Variants in XKR6 observed in about 807,000 individuals in gnomAD.
XKR6 encodes the protein XK related 6.
XKR6 carries 22 observed loss-of-function variants against 56.7 expected under a neutral mutation model. The ratio of observed to expected loss-of-function variants is 0.39; its 90% confidence interval spans 0.28 to 0.55. XKR6 has a LOEUF of 0.55. Among genes scored for constraint, XKR6 ranks in the 20% least tolerant of loss-of-function variants. The probability of loss-of-function intolerance (pLI) is 0.66; values close to 1 mark genes in which losing one functional copy is unlikely to be tolerated. For synonymous variants in XKR6, 524 were observed against 387.8 expected (o/e 1.35, Z -4.13); for missense variants, 852 against 889.0 (o/e 0.96, Z 0.53).
intron 1 of XKR6, among the ~76,000 whole-genome samples, chr8:11,096,620 G>C (rs1006794673): frequency 6.6e-6 from 1 of 152,236 alleles, no homozygotes; most frequent in Non-Finnish European, 1.5e-5. Flanking sequence ...ACCGATGTTA[G>C]TCAAGCAGCC....
At chr8:11,141,344 T>C (rs190602779) in intron 1 of XKR6, among the ~76,000 whole-genome samples, 2,046 of 152,218 alleles carry the variant, frequency 0.013, 11 homozygotes, top group Admixed American at 0.02. Flanking sequence ...GGCAGGATCC[T>C]TGGGAACTAA....
At chr8:11,108,311 T>A (rs1163691690) in intron 1 of XKR6, 2 of 456,286 alleles carry the variant, frequency 4.4e-6, no homozygotes, top group East Asian at 1.4e-4. Flanking sequence ...CAGATTTAAG[T>A]GTTATGAAAC....
intron 1 of XKR6, among the ~76,000 whole-genome samples, chr8:10,967,467 C>T (rs967611871): frequency 6.6e-6 from 1 of 152,162 alleles, no homozygotes; most frequent in African/African-American, 2.4e-5. Context: ...GCTGGGGCTG[C>T]CCGAAGAGGC....
chr8:11,103,388 G>A (rs573842139), intron 1 of XKR6, among the ~76,000 whole-genome samples: 1 of 152,314 alleles, frequency 6.6e-6, no homozygotes, highest in African/African-American at 2.4e-5. Flanking sequence ...GCTGAATCAG[G>A]CCCCACAAGA....
chr8:10,930,337 C>G (rs1801018204), intron 1 of XKR6, among the ~76,000 whole-genome samples: 1 of 152,270 alleles, frequency 6.6e-6, no homozygotes, highest in South Asian at 2.1e-4. Context: ...GCTTAGAGAA[C>G]CCTTCTTTAA....
chr8:10,958,209 T>C (rs1037180935), intron 1 of XKR6, among the ~76,000 whole-genome samples: 3 of 152,196 alleles, frequency 2.0e-5, no homozygotes, highest in Admixed American at 2.0e-4. Context: ...GAGATGCAAG[T>C]TCCCGTTTGG....
chr8:10,978,226 C>T (rs996373346), intron 1 of XKR6, among the ~76,000 whole-genome samples: 2 of 152,128 alleles, frequency 1.3e-5, no homozygotes, highest in African/African-American at 2.4e-5. Flanking sequence ...AGATTTATTG[C>T]CTGATATGCA....
intron 1 of XKR6, among the ~76,000 whole-genome samples, chr8:10,972,165 C>A (rs958021390): frequency 2.0e-5 from 3 of 152,096 alleles, no homozygotes; most frequent in African/African-American, 7.2e-5. Context: ...CCAGCTGGGG[C>A]CTCGGGGTGA....
At chr8:11,047,949 A>G (rs1799450300) in intron 1 of XKR6, among the ~76,000 whole-genome samples, 1 of 152,118 alleles carries the variant, frequency 6.6e-6, no homozygotes, top group Non-Finnish European at 1.5e-5. Context: ...GGGGACTCTA[A>G]ACTTAGAGGA....
At chr8:10,955,775 G>C (rs1801868561) in intron 1 of XKR6, among the ~76,000 whole-genome samples, 1 of 152,166 alleles carries the variant, frequency 6.6e-6, no homozygotes, top group African/African-American at 2.4e-5. Flanking sequence ...GGTGTGTAGA[G>C]AAACTTGTCT....
At chr8:11,035,108 A>G in intron 1 of XKR6, 1 of 469,342 alleles carries the variant, frequency 2.1e-6, no homozygotes, top group Non-Finnish European at 4.4e-6. Context: ...GGATGATGAT[A>G]CTTACCTTAA....
intron 1 of XKR6, among the ~76,000 whole-genome samples, chr8:11,152,177 C>A (rs1348199512): frequency 1.3e-5 from 2 of 152,104 alleles, no homozygotes. Flanking sequence ...AATCTTAGGG[C>A]CTGAATGCTA....
chr8:10,942,864 A>T (rs1801427157), intron 1 of XKR6, among the ~76,000 whole-genome samples: 1 of 152,248 alleles, frequency 6.6e-6, no homozygotes, highest in Admixed American at 6.5e-5. Context: ...ACATTGCAAG[A>T]TCGCATTCTT....
intron 1 of XKR6, among the ~76,000 whole-genome samples, chr8:11,167,507 G>A (rs746132312): frequency 6.6e-6 from 1 of 152,180 alleles, no homozygotes; most frequent in South Asian, 2.1e-4. Flanking sequence ...GACACCTGGG[G>A]TCAAAGAGTA....
At chr8:11,071,635 A>G (rs1330906482) in intron 1 of XKR6, among the ~76,000 whole-genome samples, 2 of 148,120 alleles carry the variant, frequency 1.4e-5, no homozygotes, top group South Asian at 2.2e-4. Context: ...CGAGTCCATG[A>G]GCCCCGAGTC....
chr8:11,059,623 G>C (rs1322467321), intron 1 of XKR6, among the ~76,000 whole-genome samples: 1 of 151,258 alleles, frequency 6.6e-6, no homozygotes, highest in Non-Finnish European at 1.5e-5. Context: ...CTGGGGGCGC[G>C]GGGGGCGCGG....
intron 1 of XKR6, among the ~76,000 whole-genome samples, chr8:10,964,414 TCA>T (rs940433070): frequency 2.9e-4 from 44 of 152,142 alleles, no homozygotes; most frequent in African/African-American, 1.0e-3. Context: ...TCCGAACCAC[TCA>T]CAAGTGACGT....
At chr8:10,951,898 C>G (rs1801735900) in intron 1 of XKR6, among the ~76,000 whole-genome samples, 1 of 152,146 alleles carries the variant, frequency 6.6e-6, no homozygotes, top group Non-Finnish European at 1.5e-5. Context: ...GAAGAGGCCC[C>G]TGCAGAAGGG....
intron 2 of XKR6, among the ~76,000 whole-genome samples, chr8:10,911,009 G>A (rs1290223283): frequency 2.0e-5 from 3 of 152,114 alleles, no homozygotes; most frequent in Non-Finnish European, 4.4e-5. Context: ...GCTCCCAGAA[G>A]TGGCTGTGTT....
Sources: gnomAD v4.1 joint callset for allele counts (sites outside exome capture counted in the v4.1 genomes callset) on GRCh38, gnomAD v4.1.1 for gene constraint, MANE v1.5 for transcripts, NCBI Gene and HGNC (gene_info 2026-07-23, HGNC 2026-07-21) for gene names.